The following SEMA5A variants were observed in gnomAD, a reference collection of about 807,000 sequenced individuals.
SEMA5A encodes the protein semaphorin-5A.
In SEMA5A, 55 loss-of-function variants were observed where a neutral mutation model predicts 135.5. That is an observed-to-expected ratio of 0.41 (90% CI 0.33 to 0.51). The LOEUF is 0.51. SEMA5A is among the 20% of genes least tolerant of loss of function. The pLI is 0.37. For missense variants in SEMA5A, 1,290 were observed against 1,419.9 expected (o/e 0.91, Z 1.47); for synonymous variants, 580 against 546.5 (o/e 1.06, Z -0.85).
intron 6 of SEMA5A, among the ~76,000 whole-genome samples, chr5:9,233,012 T>C (rs1208178586): frequency 6.6e-6 from 1 of 152,210 alleles, no homozygotes; most frequent in Non-Finnish European, 1.5e-5. Flanking sequence ...ATTTGACAAC[T>C]TGGTAAACAG....
intron 1 of SEMA5A, among the ~76,000 whole-genome samples, chr5:9,504,274 T>G (rs1735755735): frequency 1.3e-5 from 2 of 148,252 alleles, no homozygotes; most frequent in South Asian, 4.3e-4. Context: ...TTCACTAGCA[T>G]CATATTATAC....
At chr5:9,257,373 G>T (rs575973653) in intron 5 of SEMA5A, among the ~76,000 whole-genome samples, 1 of 152,108 alleles carries the variant, frequency 6.6e-6, no homozygotes, top group Non-Finnish European at 1.5e-5. Context: ...GTGCCATTAC[G>T]TTGGGAAATG....
At chr5:9,463,652 C>A (rs1371639624) in intron 1 of SEMA5A, among the ~76,000 whole-genome samples, 1 of 152,180 alleles carries the variant, frequency 6.6e-6, no homozygotes. Context: ...GCCACTGAGA[C>A]CTCTGCTGCC....
At chr5:9,246,006 C>T (rs1172626942) in intron 5 of SEMA5A, among the ~76,000 whole-genome samples, 2 of 152,076 alleles carry the variant, frequency 1.3e-5, no homozygotes, top group Admixed American at 1.3e-4. Context: ...AGAAGAAAAA[C>T]AGTATCAAGG....
chr5:9,156,296 C>T (rs1444052816), intron 11 of SEMA5A, among the ~76,000 whole-genome samples: 2 of 152,188 alleles, frequency 1.3e-5, no homozygotes, highest in African/African-American at 2.4e-5. Context: ...ATTCTTAGGT[C>T]TCTCTGCCTG....
At chr5:9,361,173 C>T (rs1170224771) in intron 3 of SEMA5A, among the ~76,000 whole-genome samples, 1 of 151,968 alleles carries the variant, frequency 6.6e-6, no homozygotes, top group African/African-American at 2.4e-5. Flanking sequence ...TTGGTGGGCG[C>T]CTGTAATCCC....
chr5:9,535,637 T>C (rs1345367102), intron 1 of SEMA5A, among the ~76,000 whole-genome samples: 1 of 151,430 alleles, frequency 6.6e-6, no homozygotes. Context: ...ACCACCTGGG[T>C]TGGGTTCAGG....
At chr5:9,242,660 G>A (rs867421024) in intron 5 of SEMA5A, among the ~76,000 whole-genome samples, 1 of 152,144 alleles carries the variant, frequency 6.6e-6, no homozygotes, top group African/African-American at 2.4e-5. Flanking sequence ...CCAACGTGGT[G>A]CAGTGTATAC....
At chr5:9,283,329 T>TG (rs1750635495) in intron 5 of SEMA5A, among the ~76,000 whole-genome samples, 2 of 152,182 alleles carry the variant, frequency 1.3e-5, no homozygotes, top group South Asian at 2.1e-4. Context: ...CATTGGTTGC[T>TG]GGAAAAATTC....
In SEMA5A at chr5:9,190,327, C is replaced by T. The variant is rs143464187; in HGVS notation, c.1213G>A (p.Val405Met). Reference protein sequence around the residue: ...FMEDNSRFSHVAVDVVQGREA... With the variant: ...FMEDNSRFSHMAVDVVQGREA... ...CTGCCCTGCACCACGTCGACTGCCA[C>T]GTGGGAAAAGCGGCTATTGTCCTCC... is the stretch of plus-strand genomic sequence containing the variant. The change falls in exon 11 of 23, where the codon GTG (valine) becomes ATG (methionine). Residue 405 changes from valine (V) to methionine (M), a missense_variant. By Grantham distance (21) the Val-to-Met change is conservative. This residue lies in a region of SEMA5A where 1,029 missense variants were observed against 1,086.6 expected (regional missense o/e 0.95). Transcript: ENST00000382496. 8.9e-4 allele frequency: 1,443 copies of T among 1,614,088 alleles called. 25 individuals are homozygous for T. In the South Asian group the frequency reaches 0.015, roughly 17 times the overall value.
chr5:9,149,663 T>G (rs142266438), intron 12 of SEMA5A, among the ~76,000 whole-genome samples: 1 of 152,036 alleles, frequency 6.6e-6, no homozygotes, highest in Non-Finnish European at 1.5e-5. Context: ...CAAAACAGAA[T>G]AAAAAGAGTC....
At chr5:9,279,531 T>C (rs1184673727) in intron 5 of SEMA5A, among the ~76,000 whole-genome samples, 2 of 151,976 alleles carry the variant, frequency 1.3e-5, no homozygotes, top group Non-Finnish European at 2.9e-5. Context: ...GGACATAAGA[T>C]TTGGGAGGGG....
chr5:9,252,852 C>T (rs1368837656), intron 5 of SEMA5A, among the ~76,000 whole-genome samples: 1 of 152,144 alleles, frequency 6.6e-6, no homozygotes, highest in African/African-American at 2.4e-5. Flanking sequence ...GTGTGAAGAA[C>T]CGTGGAAGAG....
At chr5:9,291,760 TC>T (rs1472819388) in intron 5 of SEMA5A, among the ~76,000 whole-genome samples, 1 of 143,042 alleles carries the variant, frequency 7.0e-6, no homozygotes, top group Non-Finnish European at 1.5e-5. Context: ...TCAGCCAAGT[TC>T]TTTTTTTTTT....
At chr5:9,392,917 C>T (rs386073) in intron 2 of SEMA5A, among the ~76,000 whole-genome samples, 35,048 of 152,148 alleles carry the variant, frequency 0.23, 4,650 homozygotes, top group East Asian at 0.46. Context: ...TTCAGGAGCA[C>T]TGCTATGGAA....
At chr5:9,102,088 G>A (rs1032265490) in intron 16 of SEMA5A, among the ~76,000 whole-genome samples, 4 of 152,114 alleles carry the variant, frequency 2.6e-5, no homozygotes, top group African/African-American at 9.7e-5. Flanking sequence ...TCTCTAGAAA[G>A]CCACGGTTCA....
chr5:9,287,188 C>T (rs547129723), intron 5 of SEMA5A, among the ~76,000 whole-genome samples: 15 of 152,308 alleles, frequency 9.8e-5, no homozygotes, highest in Middle Eastern at 3.4e-3. Context: ...ACGATGGATA[C>T]AGACATTCAT....
chr5:9,504,236 AAAAC>A (rs1274432721), intron 1 of SEMA5A, among the ~76,000 whole-genome samples: 133 of 151,518 alleles, frequency 8.8e-4, no homozygotes, highest in African/African-American at 2.8e-3. Context: ...AAAAAAAAAA[AAAAC>A]AAAAGAAAAG....
At chr5:9,372,964 A>T (rs1289581393) in intron 3 of SEMA5A, among the ~76,000 whole-genome samples, 1 of 152,198 alleles carries the variant, frequency 6.6e-6, no homozygotes, top group East Asian at 1.9e-4. Context: ...GGCCCACAAG[A>T]CAGCACGGGG....
Sources: allele counts gnomAD v4.1 joint callset (sites outside exome capture counted in the v4.1 genomes callset), GRCh38; gene constraint gnomAD v4.1.1; regional missense constraint gnomAD v4.1.1; transcripts MANE v1.5; gene names NCBI Gene and HGNC (gene_info 2026-07-23, HGNC 2026-07-21).